The following HYDIN variants were observed in gnomAD, a reference collection of about 807,000 sequenced individuals.
The protein encoded by HYDIN is axonemal central pair apparatus protein HYDIN.
Under a neutral mutation model 403.9 loss-of-function variants are expected in HYDIN, and 132 were observed. The observed-to-expected ratio is 0.33, with a 90% confidence interval of 0.28 to 0.38. The LOEUF is 0.38. Ranked by LOEUF, HYDIN falls within the 10% of genes least tolerant of loss-of-function variation. The probability of loss-of-function intolerance (pLI) is 1.00; values close to 1 mark genes in which losing one functional copy is unlikely to be tolerated. For synonymous variants in HYDIN, 1,202 were observed against 1,891.7 expected, an observed-to-expected ratio of 0.64 and a Z score of 9.46; for missense variants, 2,827 against 5,009.5, an observed-to-expected ratio of 0.56 and a Z score of 13.15.
intron 45 of HYDIN, among the ~76,000 whole-genome samples, chr16:70,924,757 C>T (rs2077097306): frequency 1.5e-5 from 1 of 68,834 alleles, no homozygotes; most frequent in Non-Finnish European, 2.9e-5. Flanking sequence ...GATGAGGACA[C>T]ATGGACACAT....
chr16:71,133,417 G>C (rs1252678429), intron 8 of HYDIN: 13 of 371,628 alleles, frequency 3.5e-5, no homozygotes, highest in Non-Finnish European at 6.8e-5. Context: ...ATAAACCCTA[G>C]GGAAGGAAAG....
At chr16:71,177,120 T>C (rs1277846117) in intron 4 of HYDIN, among the ~76,000 whole-genome samples, 1 of 152,222 alleles carries the variant, frequency 6.6e-6, no homozygotes, top group Non-Finnish European at 1.5e-5. Context: ...GCCAGCACTC[T>C]GGCTGCATCT....
chr16:71,061,819 T>G (rs1185072874), intron 17 of HYDIN, among the ~76,000 whole-genome samples: 2 of 150,066 alleles, frequency 1.3e-5, no homozygotes, highest in Non-Finnish European at 3.0e-5. Flanking sequence ...CCCTCAGAGT[T>G]TCTGATTTCA....
chr16:70,807,259 T>C lies in HYDIN; in HGVS notation c.*321A>G, dbSNP rs1019744650. ...GTGTTGTAGAGTAGAAGGTCACTAG[T>C]GTGATACCTGTGCCTTCTTGATAAA... is the stretch of plus-strand genomic sequence containing the variant. On this transcript the variant is annotated 3_prime_UTR_variant, in exon 86 of 86. Transcript: ENST00000393567. 3 of 291,012 alleles carry C rather than the reference T, an allele frequency of 1.0e-5. No individual in the cohort carries two copies. Among genetic ancestry groups the C allele is most frequent in the African/African-American group, 2.2e-5 (1 of 46,116 alleles). The allele number at this position is 291,012 out of a possible 1,614,324, so 18.0% of individuals were successfully genotyped here.
chr16:70,892,821 T>A (rs1613042), intron 55 of HYDIN, among the ~76,000 whole-genome samples: 4 of 152,334 alleles, frequency 2.6e-5, no homozygotes, highest in African/African-American at 9.6e-5. Flanking sequence ...AAAAGGACCA[T>A]CTAAATTAAT....
At chr16:71,038,195 C>T (rs111374621) in intron 18 of HYDIN, among the ~76,000 whole-genome samples, 95 of 152,308 alleles carry the variant, frequency 6.2e-4, no homozygotes, top group African/African-American at 2.0e-3. Flanking sequence ...TTCAGAATTC[C>T]GTGACCACTG....
chr16:71,055,756 A>G (rs993022558), intron 18 of HYDIN, among the ~76,000 whole-genome samples: 3 of 151,946 alleles, frequency 2.0e-5, no homozygotes, highest in Non-Finnish European at 2.9e-5. Flanking sequence ...AGGCCACTAC[A>G]AAGATGTCTT....
rs186722014 is a variant in HYDIN at position 70,804,499 on chromosome 16, G to A, written c.*3081C>T. On this transcript the variant is annotated 3_prime_UTR_variant, in exon 86 of 86. Transcript: ENST00000393567. The stretch of plus-strand genomic sequence containing the variant: ...AGGTGACTGATTGGTTGGGTAAGAC[G>A]GATGAAATCATCAGGATGTGGAAAC... Among the ~76,000 whole-genome samples the A allele has an allele frequency of 1.5e-4, 23 of 152,286 alleles. No individual in the cohort carries two copies. Among genetic ancestry groups the A allele is most frequent in the African/African-American group, 4.6e-4 (19 of 41,562 alleles).
intron 45 of HYDIN, among the ~76,000 whole-genome samples, chr16:70,922,982 G>A (rs2077041522): frequency 6.6e-6 from 1 of 151,732 alleles, no homozygotes; most frequent in South Asian, 2.1e-4. Flanking sequence ...TGCCCAGGCT[G>A]GTCTTGAACC....
chr16:70,862,219 A>T lies in HYDIN; in HGVS notation c.11606T>A (p.Met3869Lys). ...GCTGTCCAGGGTGCTGCCTGTATGC[A>T]TCGTGCCCTGACTAAGCTGATCTTT... ...AQKDQLSQGT[M>K]HTGSTLDSTM... The change falls in exon 69 of 86, where the codon ATG becomes AAG. Residue 3869 changes from methionine (M) to lysine (K), a missense_variant. Transcript: ENST00000393567. 2 of 1,613,600 alleles carry T rather than the reference A, an allele frequency of 1.2e-6. No homozygotes were observed. The highest frequency in any genetic ancestry group is 1.3e-5 in the African/African-American group (1 of 75,014).
In HYDIN at chr16:70,807,108, A is replaced by C. The variant is rs1013454579; in HGVS notation, c.*472T>G. On this transcript the variant is annotated 3_prime_UTR_variant, in exon 86 of 86. Transcript: ENST00000393567. ...ATGTTATCTGCTCATCCCTCTGAAA[A>C]TATTTATTTGGCTTTTATGTGAAAG... Among the ~76,000 whole-genome samples the C allele has an allele frequency of 3.3e-5, 5 of 152,218 alleles. No homozygotes were observed. Among genetic ancestry groups the C allele is most frequent in the African/African-American group, 1.2e-4 (5 of 41,452 alleles).
chr16:70,963,233 T>G (rs549136553), intron 37 of HYDIN, among the ~76,000 whole-genome samples: 13 of 152,042 alleles, frequency 8.6e-5, no homozygotes, highest in African/African-American at 2.9e-4. Context: ...TTTCACTAAT[T>G]TTTTTTTCCC....
At position 70,970,692 on chromosome 16, in the gene HYDIN, C is replaced by T. The variant is rs368636754; in HGVS notation, c.5447G>A (p.Arg1816His). Residue 1816 changes from arginine (R) to histidine (H), a missense_variant, in exon 36 of 86, where the codon CGT becomes CAT. Coordinates refer to ENST00000393567, the MANE Select transcript of HYDIN (RefSeq NM_001270974.2). ...CAGGCGTGGCTCTAGACCTTGCCCA[C>T]GTGCCAGGAGGGTAAGCTTTTGAGC... ...QSAQKLTLLARGQGLEPRLEF... is the reference protein window; with the variant it reads ...QSAQKLTLLAHGQGLEPRLEF... 42 of 1,529,874 alleles carry T rather than the reference C, an allele frequency of 2.7e-5. No homozygotes were observed. The Admixed American group carries it at 3.1e-4, about 11-fold the overall frequency. The allele number at this position is 1,529,874 out of a possible 1,614,324, so 94.8% of individuals were successfully genotyped here.
rs1417655866 is a variant in HYDIN at position 70,804,016 on chromosome 16, T to C, written c.*3564A>G. Among the ~76,000 whole-genome samples the C allele has an allele frequency of 1.3e-5, 2 of 152,214 alleles. No individual in the cohort carries two copies. Among genetic ancestry groups the C allele is most frequent in the Non-Finnish European group, 2.9e-5 (2 of 68,034 alleles). On this transcript the variant is annotated 3_prime_UTR_variant, in exon 86 of 86. Coordinates refer to ENST00000393567, the MANE Select transcript of HYDIN (RefSeq NM_001270974.2). ...TTCTCCAATGTAACTTCCACAAGCATGTGTTGGAAGGGTTATTTTCATCAA... is the reference window on the plus strand; with the variant it reads ...TTCTCCAATGTAACTTCCACAAGCACGTGTTGGAAGGGTTATTTTCATCAA...
At chr16:71,071,974 T>C (rs2082481385) in intron 13 of HYDIN, among the ~76,000 whole-genome samples, 1 of 152,038 alleles carries the variant, frequency 6.6e-6, no homozygotes, top group African/African-American at 2.4e-5. Flanking sequence ...TCAGGTGGCA[T>C]TTTTGTCATT....
intron 1 of HYDIN, among the ~76,000 whole-genome samples, chr16:71,218,296 TA>T (rs1167319766): frequency 6.6e-6 from 1 of 152,148 alleles, no homozygotes; most frequent in African/African-American, 2.4e-5. Context: ...AACTACTCCA[TA>T]AAACCCATGT....
intron 7 of HYDIN, among the ~76,000 whole-genome samples, chr16:71,139,316 T>A (rs1183037492): frequency 6.6e-6 from 1 of 152,124 alleles, no homozygotes; most frequent in African/African-American, 2.4e-5. Context: ...TTCAAAATTT[T>A]CAATGTTGTT....
At chr16:71,024,766 CCT>C (rs1279198307) in intron 21 of HYDIN, among the ~76,000 whole-genome samples, 1 of 145,174 alleles carries the variant, frequency 6.9e-6, no homozygotes, top group African/African-American at 2.6e-5. Context: ...TCCCTTGTCC[CCT>C]GACTCTGACA....
At chr16:71,028,806 G>T (rs1477737402) in intron 19 of HYDIN, among the ~76,000 whole-genome samples, 1 of 151,812 alleles carries the variant, frequency 6.6e-6, no homozygotes, top group Non-Finnish European at 1.5e-5. Context: ...GTGTCCACGG[G>T]GCACGCTCAA....
Sources: gnomAD v4.1 joint callset for allele counts (sites outside exome capture counted in the v4.1 genomes callset) on GRCh38, gnomAD v4.1.1 for gene constraint, MANE v1.5 for transcripts, NCBI Gene and HGNC (gene_info 2026-07-23, HGNC 2026-07-21) for gene names.